The following NRXN3 variants were observed in gnomAD, a reference collection of about 807,000 sequenced individuals.
The protein encoded by NRXN3 is neurexin 3, also known as neurexin III.
A neutral mutation model predicts 137.6 loss-of-function variants in NRXN3; 32 were observed. The ratio of observed to expected loss-of-function variants is 0.23; its 90% CI spans 0.18 to 0.31. The LOEUF is 0.31. NRXN3 is among the 10% of genes least tolerant of loss of function. The pLI is 1.00. For missense variants in NRXN3, 1,574 were observed against 2,062.5 expected (o/e 0.76, Z 4.59); for synonymous variants, 798 against 784.5 (o/e 1.02, Z -0.29).
chr14:79,751,050 G>A (rs1411881294), intron 19 of NRXN3, among the ~76,000 whole-genome samples: 4 of 152,008 alleles, frequency 2.6e-5, no homozygotes, highest in African/African-American at 9.7e-5. Context: ...ACTTGGCGAT[G>A]CAGGCTCTTT....
intron 4 of NRXN3, among the ~76,000 whole-genome samples, chr14:78,611,566 C>G (rs899507260): frequency 6.6e-6 from 1 of 152,112 alleles, no homozygotes; most frequent in Non-Finnish European, 1.5e-5. Context: ...GTGAGGCAAC[C>G]CTATGAAGAC....
intron 16 of NRXN3, among the ~76,000 whole-genome samples, chr14:79,561,838 C>T (rs1007324783): frequency 1.1e-4 from 16 of 152,224 alleles, no homozygotes; most frequent in Admixed American, 6.5e-5. Context: ...TAAGGAGCTT[C>T]GAAAGACTGA....
At chr14:78,255,335 C>T (rs190774026) in intron 2 of NRXN3, among the ~76,000 whole-genome samples, 10 of 152,340 alleles carry the variant, frequency 6.6e-5, no homozygotes, top group Non-Finnish European at 1.3e-4. Flanking sequence ...TCGGACCACA[C>T]GCATGTGCTG....
chr14:79,567,009 A>G (rs2097556957), intron 16 of NRXN3, among the ~76,000 whole-genome samples: 1 of 152,186 alleles, frequency 6.6e-6, no homozygotes, highest in Non-Finnish European at 1.5e-5. Context: ...TGTTGCTTAT[A>G]GAGGTCCTGC....
chr14:78,313,382 T>C (rs2078198431), intron 4 of NRXN3, among the ~76,000 whole-genome samples: 1 of 152,198 alleles, frequency 6.6e-6, no homozygotes, highest in South Asian at 2.1e-4. Flanking sequence ...TGACAGTTTG[T>C]TTTGGAGATC....
chr14:78,538,116 C>T (rs1286211411), intron 4 of NRXN3, among the ~76,000 whole-genome samples: 3 of 151,996 alleles, frequency 2.0e-5, no homozygotes, highest in African/African-American at 4.8e-5. Context: ...TCCATATGAA[C>T]TTTAAAGTAG....
intron 5 of NRXN3, chr14:78,649,334 T>A: frequency 7.7e-7 from 1 of 1,302,808 alleles, no homozygotes; most frequent in Non-Finnish European, 1.0e-6. Flanking sequence ...TCTTATTGTC[T>A]CTTTTTTTGG....
In NRXN3 at chr14:79,598,569, G is replaced by C. The variant is rs117662468; in HGVS notation, c.3445-65209G>C. On this transcript the variant is annotated intron_variant, in intron 16 of 20. Coordinates refer to ENST00000335750, the MANE Select transcript of NRXN3 (RefSeq NM_001330195.2). The stretch of plus-strand genomic sequence containing the variant: ...ATGTCAAAGGGCCATGTTACTAATA[G>C]CTGTGGAAGCTCCGCTATCCACAAA... Among the ~76,000 whole-genome samples the C allele has an allele frequency of 0.016, 2,404 of 152,316 alleles. 178 individuals are homozygous for C. In the East Asian group the frequency reaches 0.25, roughly 16 times the overall value.
intron 8 of NRXN3, among the ~76,000 whole-genome samples, chr14:78,717,463 G>A (rs990895938): frequency 2.0e-5 from 3 of 152,214 alleles, no homozygotes; most frequent in African/African-American, 4.8e-5. Flanking sequence ...AATCCCAGAC[G>A]GTTCAACTGA....
At chr14:78,271,981 A>G (rs570394506) in intron 2 of NRXN3, among the ~76,000 whole-genome samples, 123 of 152,310 alleles carry the variant, frequency 8.1e-4, no homozygotes, top group African/African-American at 9.4e-4. Flanking sequence ...CTTAACTGAA[A>G]AAATTGTTTC....
chr14:79,064,763 A>G (rs953301992), intron 15 of NRXN3, among the ~76,000 whole-genome samples: 34 of 145,050 alleles, frequency 2.3e-4, no homozygotes, highest in African/African-American at 7.0e-4. Flanking sequence ...AATTACCCAT[A>G]TATATGTATG....
At chr14:78,435,698 T>C (rs1396661777) in intron 4 of NRXN3, among the ~76,000 whole-genome samples, 1 of 152,210 alleles carries the variant, frequency 6.6e-6, no homozygotes, top group African/African-American at 2.4e-5. Flanking sequence ...CCACCCAGAA[T>C]AATTCATTGC....
intron 20 of NRXN3, among the ~76,000 whole-genome samples, chr14:79,817,467 T>A (rs917077089): frequency 4.6e-5 from 7 of 152,242 alleles, no homozygotes; most frequent in Admixed American, 4.6e-4. Context: ...GTTTCATCAT[T>A]CAGTGAATAT....
intron 15 of NRXN3, among the ~76,000 whole-genome samples, chr14:79,329,711 C>T (rs2091411185): frequency 6.6e-6 from 1 of 152,122 alleles, no homozygotes; most frequent in Non-Finnish European, 1.5e-5. Context: ...AATTGCTTAG[C>T]TAGTGTGAGG....
chr14:79,439,813 G>A (rs930995106), intron 15 of NRXN3, among the ~76,000 whole-genome samples: 4 of 152,100 alleles, frequency 2.6e-5, no homozygotes, highest in Admixed American at 2.6e-4. Flanking sequence ...ACTTGACAAT[G>A]GATGTGAAAA....
chr14:79,293,051 G>A (rs531342232), intron 15 of NRXN3, among the ~76,000 whole-genome samples: 87 of 152,274 alleles, frequency 5.7e-4, no homozygotes, highest in Middle Eastern at 6.8e-3. Context: ...CCTTCTTTGG[G>A]ATGACTAGTG....
rs570351487 is a variant in NRXN3, at chr14:79,619,416, C to T, written c.3445-44362C>T. Among the ~76,000 whole-genome samples the T allele has an allele frequency of 7.9e-5, 12 of 152,192 alleles. No homozygotes were observed. The South Asian group carries it at 1.9e-3, about 24-fold the overall frequency. On this transcript the variant is annotated intron_variant, in intron 16 of 20. Transcript: ENST00000335750. ...GGTGTAGGGGTCCAGTTTCAATCTT[C>T]TGCATATGGCTAGCTAGTTATCCCA...
intron 15 of NRXN3, among the ~76,000 whole-genome samples, chr14:79,212,781 T>TA (rs140863642): frequency 1.1e-4 from 16 of 150,566 alleles, no homozygotes; most frequent in African/African-American, 1.7e-4. Flanking sequence ...CTCAGAGCCT[T>TA]AAAAAAAAAT....
intron 10 of NRXN3, among the ~76,000 whole-genome samples, chr14:78,948,522 G>A (rs565303195): frequency 6.6e-6 from 1 of 152,290 alleles, no homozygotes; most frequent in South Asian, 2.1e-4. Flanking sequence ...TCTGACATTG[G>A]CTGAGGGAAT....
Sources: allele counts gnomAD v4.1 joint callset (sites outside exome capture counted in the v4.1 genomes callset), GRCh38; gene constraint gnomAD v4.1.1; transcripts MANE v1.5; gene names NCBI Gene and HGNC (gene_info 2026-07-23, HGNC 2026-07-21).